FAM20A: variants seen among roughly 807,000 people sequenced by gnomAD.
FAM20A encodes the protein pseudokinase FAM20A.
FAM20A carries 42 observed loss-of-function variants against 52.0 expected under a neutral mutation model. That is an observed-to-expected ratio of 0.81 (90% CI 0.63 to 1.04). The LOEUF is 1.04. FAM20A is among the 50% of genes least tolerant of loss of function. The probability of loss-of-function intolerance (pLI) is 0.00; values close to 1 mark genes in which losing one functional copy is unlikely to be tolerated. For missense variants in FAM20A, 742 were observed against 712.7 expected (o/e 1.04, Z -0.47); for synonymous variants, 304 against 298.9 (o/e 1.02, Z -0.18).
rs2086101775 is a variant in FAM20A at position 68,536,543 on chromosome 17, A to G, written c.*934T>C. The G allele has an allele frequency of 2.2e-6, 1 of 453,948 alleles. No homozygotes were observed. Among genetic ancestry groups the G allele is most frequent in the African/African-American group, 2.0e-5 (1 of 49,980 alleles). 28.1% of individuals were successfully genotyped at this position (453,948 alleles called of 1,614,324 possible). On this transcript the variant is annotated 3_prime_UTR_variant, in exon 11 of 11. Coordinates refer to ENST00000592554, the MANE Select transcript of FAM20A (RefSeq NM_017565.4). ...TGAGCCAGCCGTCACAGGGAGGGGCATCTAGAGGGCCTCACCTTTCCACAT... is the reference window on the plus strand; with the variant it reads ...TGAGCCAGCCGTCACAGGGAGGGGCGTCTAGAGGGCCTCACCTTTCCACAT...
intron 1 of FAM20A, among the ~76,000 whole-genome samples, chr17:68,585,563 C>T (rs1454385932): frequency 6.6e-6 from 1 of 151,958 alleles, no homozygotes; most frequent in East Asian, 1.9e-4. Flanking sequence ...CCCTGAAAAA[C>T]TGCACTCAAA....
intron 7 of FAM20A, 139 bp downstream of exon 7, chr17:68,541,846 C>G: frequency 3.8e-6 from 4 of 1,059,322 alleles, no homozygotes; most frequent in Non-Finnish European, 5.5e-6. Flanking sequence ...GCCTGCTGAT[C>G]CCAGGATCAA....
chr17:68,593,221 C>G (rs1386355733), intron 1 of FAM20A, among the ~76,000 whole-genome samples: 2 of 152,238 alleles, frequency 1.3e-5, no homozygotes, highest in Non-Finnish European at 2.9e-5. Flanking sequence ...TGGCCATATG[C>G]AAGCCTACTT....
chr17:68,562,291 A>G (rs1282225997), intron 1 of FAM20A, among the ~76,000 whole-genome samples: 1 of 152,254 alleles, frequency 6.6e-6, no homozygotes, highest in East Asian at 1.9e-4. Flanking sequence ...TATCTAGGAC[A>G]GGGGTATTTA....
chr17:68,539,719 A>G (rs1200950616), intron 9 of FAM20A, among the ~76,000 whole-genome samples, 166 bp downstream of exon 9: 3 of 152,238 alleles, frequency 2.0e-5, no homozygotes, highest in Non-Finnish European at 4.4e-5. Flanking sequence ...TGGTTCTTGC[A>G]AAGGTAAAGA....
At chr17:68,573,452 CT>C (rs2087624393) in intron 1 of FAM20A, among the ~76,000 whole-genome samples, 2 of 137,024 alleles carry the variant, frequency 1.5e-5, no homozygotes, top group African/African-American at 2.7e-5. Context: ...TTCTTTCTTT[CT>C]TTCTTCTTTC....
chr17:68,554,686 T>G (rs2087002900), intron 3 of FAM20A, 91 bp downstream of exon 3: 1 of 1,278,194 alleles, frequency 7.8e-7, no homozygotes, highest in Non-Finnish European at 1.1e-6. Flanking sequence ...CTCCTTCCAC[T>G]CTTGCCCAAG....
intron 4 of FAM20A, among the ~76,000 whole-genome samples, chr17:68,547,848 A>T (rs2086639562): frequency 6.6e-6 from 1 of 152,236 alleles, no homozygotes; most frequent in African/African-American, 2.4e-5. Flanking sequence ...TGCATTCACA[A>T]CTTGCCTGAC....
chr17:68,574,200 G>A (rs1471145649), intron 1 of FAM20A, among the ~76,000 whole-genome samples: 1 of 152,060 alleles, frequency 6.6e-6, no homozygotes, highest in Non-Finnish European at 1.5e-5. Flanking sequence ...AAGTAACTGG[G>A]ACCACAGGCG....
intron 1 of FAM20A, among the ~76,000 whole-genome samples, chr17:68,592,776 T>G (rs2088349403): frequency 6.6e-6 from 1 of 152,236 alleles, no homozygotes; most frequent in Non-Finnish European, 1.5e-5. Context: ...TACAGGCTCT[T>G]GGCTTCTTAG....
Position 68,536,486 on chromosome 17 carries a change from G to C in FAM20A, c.*991C>G. On this transcript the variant is annotated 3_prime_UTR_variant, in exon 11 of 11. Coordinates refer to ENST00000592554, the MANE Select transcript of FAM20A (RefSeq NM_017565.4). ...CCCTACTACACTTTCTTCTAAGGGA[G>C]GCTTCAATAAAAAACCTGACTTAGT... is the stretch of plus-strand genomic sequence containing the variant. 2.2e-6 allele frequency: 1 copy of C among 454,098 alleles called. No individual in the cohort carries two copies. Among genetic ancestry groups the C allele is most frequent in the Non-Finnish European group, 4.4e-6 (1 of 226,790 alleles). The allele number at this position is 454,098 out of a possible 1,614,324, so 28.1% of individuals were successfully genotyped here.
At chr17:68,558,638 G>A (rs991196063) in intron 1 of FAM20A, among the ~76,000 whole-genome samples, 2 of 152,282 alleles carry the variant, frequency 1.3e-5, no homozygotes, top group South Asian at 4.1e-4. Flanking sequence ...GAAGCAGCAT[G>A]CTTCCTGTAC....
intron 1 of FAM20A, among the ~76,000 whole-genome samples, chr17:68,576,388 G>A (rs1470588111): frequency 6.6e-6 from 1 of 152,180 alleles, no homozygotes; most frequent in Admixed American, 6.5e-5. Flanking sequence ...CTGGTGAGTG[G>A]CAGGCACAGT....
intron 6 of FAM20A, among the ~76,000 whole-genome samples, chr17:68,542,412 C>G (rs2086342985): frequency 6.6e-6 from 1 of 152,190 alleles, no homozygotes; most frequent in Admixed American, 6.5e-5. Context: ...GTAGAACACT[C>G]TTTATTACCC....
chr17:68,597,040 C>G (rs2088472067), intron 1 of FAM20A, among the ~76,000 whole-genome samples: 1 of 152,002 alleles, frequency 6.6e-6, no homozygotes, highest in Non-Finnish European at 1.5e-5. Flanking sequence ...ATTAAAAACC[C>G]AAGACATTCA....
chr17:68,562,846 T>G (rs1389872272), intron 1 of FAM20A, among the ~76,000 whole-genome samples: 2 of 152,192 alleles, frequency 1.3e-5, no homozygotes, highest in East Asian at 3.8e-4. Context: ...AGAGCTGTTT[T>G]CATTTTCTGG....
intron 1 of FAM20A, among the ~76,000 whole-genome samples, chr17:68,583,713 G>A (rs901599982): frequency 1.3e-5 from 2 of 151,964 alleles, no homozygotes; most frequent in African/African-American, 2.4e-5. Context: ...TCAGGAGATC[G>A]AGACACAGTG....
chr17:68,594,254 C>G (rs1171508873), intron 1 of FAM20A, among the ~76,000 whole-genome samples: 1 of 152,130 alleles, frequency 6.6e-6, no homozygotes, highest in Non-Finnish European at 1.5e-5. Context: ...AAAAAGTTAG[C>G]TGGGCGTAGT....
chr17:68,581,485 TC>T, intron 1 of FAM20A, among the ~76,000 whole-genome samples: 3 of 131,604 alleles, frequency 2.3e-5, no homozygotes, highest in African/African-American at 7.6e-5. Context: ...TTTCTTTCTT[TC>T]TTTTTCTTTC....
Sources: allele counts gnomAD v4.1 joint callset (sites outside exome capture counted in the v4.1 genomes callset), GRCh38; gene constraint gnomAD v4.1.1; transcripts MANE v1.5; gene names NCBI Gene and HGNC (gene_info 2026-07-23, HGNC 2026-07-21).